FSTL5: variants seen among roughly 807,000 people sequenced by gnomAD.
FSTL5 encodes follistatin like 5.
In FSTL5, 62 loss-of-function variants were observed where a neutral mutation model predicts 89.1. That is an observed-to-expected ratio of 0.70 (90% CI 0.57 to 0.86). FSTL5 has a LOEUF of 0.86. Among genes scored for constraint, FSTL5 ranks in the 40% least tolerant of loss-of-function variants. FSTL5 has a pLI of 0.00. For missense variants in FSTL5, 1,057 were observed against 1,001.6 expected (o/e 1.06, Z -0.75); for synonymous variants, 383 against 346.2 (o/e 1.11, Z -1.18).
At chr4:162,046,110 A>C (rs182260632) in intron 2 of FSTL5, among the ~76,000 whole-genome samples, 18 of 152,310 alleles carry the variant, frequency 1.2e-4, no homozygotes, top group African/African-American at 3.1e-4. Context: ...TGACACACTA[A>C]ATAACCACTC....
intron 1 of FSTL5, among the ~76,000 whole-genome samples, chr4:162,114,526 G>A (rs1232397370): frequency 2.2e-5 from 2 of 90,202 alleles, no homozygotes; most frequent in African/African-American, 7.3e-5. Flanking sequence ...CTCTTTGTGT[G>A]TGGACACACA....
At chr4:161,603,328 A>G (rs1036424874) in intron 7 of FSTL5, among the ~76,000 whole-genome samples, 2 of 152,184 alleles carry the variant, frequency 1.3e-5, no homozygotes, top group Non-Finnish European at 2.9e-5. Flanking sequence ...GTAAGTGTGC[A>G]ATAGCATTAC....
chr4:161,506,629 G>C (rs1028924069), intron 11 of FSTL5, among the ~76,000 whole-genome samples: 2 of 151,854 alleles, frequency 1.3e-5, no homozygotes, highest in Admixed American at 6.6e-5. Context: ...CTGTATTTTC[G>C]TCTGTATTTC....
chr4:161,805,853 T>C (rs1254415831), intron 4 of FSTL5, among the ~76,000 whole-genome samples: 1 of 152,112 alleles, frequency 6.6e-6, no homozygotes, highest in East Asian at 1.9e-4. Context: ...TTCCATGGTT[T>C]TGGTTACCCA....
intron 12 of FSTL5, among the ~76,000 whole-genome samples, chr4:161,490,239 A>C (rs4373120): frequency 0.43 from 65,253 of 151,946 alleles, 16,575 homozygotes; most frequent in East Asian, 0.6. Flanking sequence ...TGAAGATGGA[A>C]CATCCGATAT....
chr4:161,625,033 A>C (rs1735267353), intron 7 of FSTL5, among the ~76,000 whole-genome samples: 1 of 152,120 alleles, frequency 6.6e-6, no homozygotes, highest in African/African-American at 2.4e-5. Context: ...CCATTCTAGG[A>C]TTCTATGATG....
chr4:161,671,032 G>C (rs895514570), intron 6 of FSTL5, among the ~76,000 whole-genome samples: 1 of 152,202 alleles, frequency 6.6e-6, no homozygotes, highest in African/African-American at 2.4e-5. Flanking sequence ...ACAAAAAAGA[G>C]AGTTGGCTAT....
intron 13 of FSTL5, among the ~76,000 whole-genome samples, chr4:161,463,980 T>C (rs1221883328): frequency 6.6e-6 from 1 of 152,170 alleles, no homozygotes; most frequent in Non-Finnish European, 1.5e-5. Flanking sequence ...TTCTCATAAA[T>C]TTGTCTGAGT....
At chr4:162,096,912 T>C (rs1730784295) in intron 2 of FSTL5, among the ~76,000 whole-genome samples, 1 of 151,968 alleles carries the variant, frequency 6.6e-6, no homozygotes, top group Admixed American at 6.6e-5. Flanking sequence ...CCACCCATCA[T>C]ACTAACAGAA....
chr4:161,644,641 G>C (rs1372337815), intron 7 of FSTL5, among the ~76,000 whole-genome samples: 1 of 152,088 alleles, frequency 6.6e-6, no homozygotes, highest in Admixed American at 6.6e-5. Context: ...AATTAATAGA[G>C]AAATAAGTTT....
At chr4:162,013,513 C>T (rs2111136625) in intron 3 of FSTL5, among the ~76,000 whole-genome samples, 1 of 152,194 alleles carries the variant, frequency 6.6e-6, no homozygotes, top group East Asian at 1.9e-4. Flanking sequence ...CACATTCTTT[C>T]TAAAGGAAAA....
At chr4:161,765,889 G>A (rs1026900362) in intron 5 of FSTL5, among the ~76,000 whole-genome samples, 3 of 151,718 alleles carry the variant, frequency 2.0e-5, no homozygotes, top group African/African-American at 7.3e-5. Flanking sequence ...TTGCCTCCCG[G>A]GTTCAAGCGA....
chr4:161,555,972 A>G (rs1342895350), intron 8 of FSTL5, among the ~76,000 whole-genome samples: 2 of 151,606 alleles, frequency 1.3e-5, no homozygotes, highest in African/African-American at 4.8e-5. Flanking sequence ...ACGCAAGAAA[A>G]CTATAATTGA....
intron 4 of FSTL5, among the ~76,000 whole-genome samples, chr4:161,842,085 A>G (rs546871476): frequency 6.6e-6 from 1 of 152,158 alleles, no homozygotes; most frequent in Non-Finnish European, 1.5e-5. Context: ...CATAATCAAA[A>G]ACAGGTGGCT....
At chr4:161,456,204 T>C (rs1247333285) in intron 14 of FSTL5, among the ~76,000 whole-genome samples, 3 of 152,166 alleles carry the variant, frequency 2.0e-5, no homozygotes, top group Non-Finnish European at 2.9e-5. Flanking sequence ...TTAATTATAT[T>C]CCAATTGTGA....
chr4:161,981,453 A>G (rs547479151), intron 3 of FSTL5, among the ~76,000 whole-genome samples: 1 of 152,230 alleles, frequency 6.6e-6, no homozygotes, highest in Non-Finnish European at 1.5e-5. Flanking sequence ...CCAGAAATGT[A>G]AAATTTTCAC....
intron 6 of FSTL5, among the ~76,000 whole-genome samples, chr4:161,667,629 C>T (rs957163258): frequency 3.9e-5 from 6 of 152,048 alleles, no homozygotes; most frequent in Non-Finnish European, 8.8e-5. Flanking sequence ...GAATACATAT[C>T]ATTTGCTAAG....
At chr4:161,809,581 CA>C (rs1730077463) in intron 4 of FSTL5, among the ~76,000 whole-genome samples, 1 of 152,162 alleles carries the variant, frequency 6.6e-6, no homozygotes, top group Non-Finnish European at 1.5e-5. Flanking sequence ...AGGATGAAAG[CA>C]ATCAATGGAA....
At chr4:161,702,274 G>A (rs1165155843) in intron 6 of FSTL5, among the ~76,000 whole-genome samples, 9 of 152,174 alleles carry the variant, frequency 5.9e-5, no homozygotes, top group African/African-American at 2.2e-4. Context: ...TGAAGATGAT[G>A]AGAAGGGTCA....
Sources: gnomAD v4.1 joint callset for allele counts (sites outside exome capture counted in the v4.1 genomes callset) on GRCh38, gnomAD v4.1.1 for gene constraint, MANE v1.5 for transcripts, NCBI Gene and HGNC (gene_info 2026-07-23, HGNC 2026-07-21) for gene names.